Variants in PCMTD1 observed in about 807,000 individuals in gnomAD.
PCMTD1 encodes protein-L-isoaspartate (D-aspartate) O-methyltransferase domain containing 1, also known as protein-L-isoaspartate O-methyltransferase domain-containing protein 1.
PCMTD1 carries 12 observed loss-of-function variants against 37.6 expected under a neutral mutation model. That is an observed-to-expected ratio of 0.32 (90% CI 0.20 to 0.52). The LOEUF (loss-of-function observed/expected upper bound fraction) is 0.52. PCMTD1 is among the 20% of genes least tolerant of loss of function. PCMTD1 has a pLI of 0.97. For missense variants in PCMTD1, 235 were observed against 421.3 expected, an observed-to-expected ratio of 0.56 and a Z score of 3.87; for synonymous variants, 117 against 135.8, an observed-to-expected ratio of 0.86 and a Z score of 0.96.
chr8:51,843,830 G>A (rs1393090964), intron 3 of PCMTD1, among the ~76,000 whole-genome samples: 1 of 152,058 alleles, frequency 6.6e-6, no homozygotes, highest in Admixed American at 6.6e-5. Context: ...AGTCTGTTCT[G>A]CTCAATTAAT....
intron 1 of PCMTD1, among the ~76,000 whole-genome samples, chr8:51,871,628 A>T (rs1161238757): frequency 2.0e-5 from 3 of 152,186 alleles, no homozygotes; most frequent in Non-Finnish European, 4.4e-5. Flanking sequence ...TCCAGACTAT[A>T]AACTCACTGA....
chr8:51,848,950 A>G (rs2038263508), intron 2 of PCMTD1: 1 of 152,210 alleles, frequency 6.6e-6, no homozygotes, highest in African/African-American at 2.4e-5. Context: ...CAGAATTTAA[A>G]TAGCAATGTC....
At chr8:51,894,936 A>G (rs2038979585) in intron 1 of PCMTD1, among the ~76,000 whole-genome samples, 1 of 152,236 alleles carries the variant, frequency 6.6e-6, no homozygotes, top group Non-Finnish European at 1.5e-5. Flanking sequence ...TTAATTCTGA[A>G]TCTACTGATT....
At chr8:51,853,033 T>G (rs988333138) in intron 2 of PCMTD1, among the ~76,000 whole-genome samples, 5 of 152,164 alleles carry the variant, frequency 3.3e-5, no homozygotes, top group African/African-American at 1.2e-4. Context: ...TGCCGGACCT[T>G]GGAGGCAGAA....
At chr8:51,848,685 G>A (rs2038259412) in intron 2 of PCMTD1, among the ~76,000 whole-genome samples, 1 of 151,832 alleles carries the variant, frequency 6.6e-6, no homozygotes, top group Non-Finnish European at 1.5e-5. Context: ...ATACTACCTT[G>A]ACACAAGATA....
intron 2 of PCMTD1, among the ~76,000 whole-genome samples, chr8:51,848,017 G>T (rs1374168977): frequency 1.3e-5 from 2 of 152,134 alleles, no homozygotes; most frequent in Admixed American, 1.3e-4. Context: ...GGAGGTAGAA[G>T]CTGCAGTGAG....
At chr8:51,839,275 A>C (rs2038112321) in intron 3 of PCMTD1, among the ~76,000 whole-genome samples, 1 of 152,214 alleles carries the variant, frequency 6.6e-6, no homozygotes, top group African/African-American at 2.4e-5. Flanking sequence ...TTAAACCTGA[A>C]AATCCAATGA....
chr8:51,866,249 T>G (rs1296999837), intron 1 of PCMTD1, among the ~76,000 whole-genome samples: 2 of 151,960 alleles, frequency 1.3e-5, no homozygotes, highest in African/African-American at 2.4e-5. Context: ...GTTTACAGAT[T>G]CAACATAATC....
At chr8:51,835,890 T>C (rs2038060530) in intron 3 of PCMTD1, among the ~76,000 whole-genome samples, 1 of 152,176 alleles carries the variant, frequency 6.6e-6, no homozygotes, top group African/African-American at 2.4e-5. Flanking sequence ...CACAGCAAAA[T>C]AAATTAGAAA....
chr8:51,827,848 A>G (rs969452300), intron 5 of PCMTD1, among the ~76,000 whole-genome samples: 1 of 152,066 alleles, frequency 6.6e-6, no homozygotes, highest in Non-Finnish European at 1.5e-5. Context: ...ACCCTATTCT[A>G]TTGAATTTAT....
At chr8:51,886,692 G>A (rs901291674) in intron 1 of PCMTD1, among the ~76,000 whole-genome samples, 1 of 152,280 alleles carries the variant, frequency 6.6e-6, no homozygotes, top group South Asian at 2.1e-4. Flanking sequence ...GGGAGAGGCT[G>A]TTTAGAAATC....
Position 51,817,767 on chromosome 8 carries a change from C to T in PCMTD1, c.*2584G>A. ...TTAATACTAGAACCAAATATATTGACCAATAAGCAGTATAGATTTAAATTA... is the reference window on the plus strand; with the variant it reads ...TTAATACTAGAACCAAATATATTGATCAATAAGCAGTATAGATTTAAATTA... On this transcript the variant is annotated 3_prime_UTR_variant, in exon 6 of 6. Coordinates refer to ENST00000522514, the MANE Select transcript of PCMTD1 (RefSeq NM_052937.4). 2.2e-6 allele frequency: 1 copy of T among 450,612 alleles called. No homozygotes were observed. The highest frequency in any genetic ancestry group is 4.5e-6 in the Non-Finnish European group (1 of 224,664). The allele number at this position is 450,612 out of a possible 1,614,324, so 27.9% of individuals were successfully genotyped here.
rs781559223 is a variant in PCMTD1, at chr8:51,820,536, G to A, written c.889C>T (p.Pro297Ser). ...TCCTCTTCACTGTCTAGAGGCTGAG[G>A]AATAAGCTGATTACCCACAAATACG... Reference protein sequence around the residue: ...TYVFVGNQLIPQPLDSEEDEK... With the variant: ...TYVFVGNQLISQPLDSEEDEK... The change falls in exon 6 of 6, where the codon CCT (proline) becomes TCT (serine). Residue 297 changes from proline to serine, a missense_variant. By Grantham distance (74) the Pro-to-Ser change is moderately conservative. Around this residue, in one of 3 missense-constraint regions of PCMTD1, gnomAD observed 41 missense variants for 36.4 expected, o/e 1.13. Coordinates refer to ENST00000522514, the MANE Select transcript of PCMTD1 (RefSeq NM_052937.4). 5 of 1,612,382 alleles carry A rather than the reference G, an allele frequency of 3.1e-6. No homozygotes were observed. The highest frequency in any genetic ancestry group is 2.2e-5 in the East Asian group (1 of 44,854).
At chr8:51,875,894 T>C (rs1323781870) in intron 1 of PCMTD1, among the ~76,000 whole-genome samples, 1 of 152,174 alleles carries the variant, frequency 6.6e-6, no homozygotes, top group Non-Finnish European at 1.5e-5. Context: ...ACTGCACCAC[T>C]GCACTCCAAC....
chr8:51,838,862 T>C (rs551285383), intron 3 of PCMTD1, among the ~76,000 whole-genome samples: 2 of 152,196 alleles, frequency 1.3e-5, no homozygotes, highest in South Asian at 2.1e-4. Context: ...AGGTTAAAAA[T>C]GGTGAAAGAG....
chr8:51,830,515 G>A (rs1425775014), intron 5 of PCMTD1, among the ~76,000 whole-genome samples: 2 of 152,058 alleles, frequency 1.3e-5, no homozygotes, highest in African/African-American at 2.4e-5. Flanking sequence ...CCACACTCCC[G>A]AGTCAGCTAT....
rs2038462331 is a variant in PCMTD1 at position 51,860,980 on chromosome 8, G to A, written c.172C>T (p.His58Tyr). ...GGTGCTGACAAGTGGATGTTTCCAT[G>A]CTTCCAGGCTAAGTCTTTGTAAGCA... is the stretch of plus-strand genomic sequence containing the variant. ...DNAYKDLAWK[H>Y]GNIHLSAPCI... Residue 58 changes from histidine to tyrosine, a missense_variant, in exon 2 of 6, where the codon CAT (histidine) becomes TAT (tyrosine). Coordinates refer to ENST00000522514, the MANE Select transcript of PCMTD1 (RefSeq NM_052937.4). The A allele has an allele frequency of 1.2e-6, 2 of 1,614,068 alleles. No homozygotes were observed. Among genetic ancestry groups the A allele is most frequent in the Non-Finnish European group, 1.7e-6 (2 of 1,180,010 alleles).
At chr8:51,845,626 G>T (rs1563343548) in intron 3 of PCMTD1, 35 bp downstream of exon 3, 2 of 1,479,754 alleles carry the variant, frequency 1.4e-6, no homozygotes, top group Non-Finnish European at 1.9e-6. Context: ...TCTATTAAGT[G>T]ATTTTAAACC....
chr8:51,860,084 T>C (rs1439885380), intron 2 of PCMTD1, among the ~76,000 whole-genome samples: 1 of 152,234 alleles, frequency 6.6e-6, no homozygotes, highest in African/African-American at 2.4e-5. Context: ...CTTCCACCTA[T>C]ATTCCATGTT....
Sources: gnomAD v4.1 joint callset for allele counts (sites outside exome capture counted in the v4.1 genomes callset) on GRCh38, gnomAD v4.1.1 for gene constraint, gnomAD v4.1.1 regional missense constraint, MANE v1.5 for transcripts, NCBI Gene and HGNC (gene_info 2026-07-23, HGNC 2026-07-21) for gene names.